ASPM: variants seen among roughly 807,000 people sequenced by gnomAD.
The protein encoded by ASPM is abnormal spindle-like microcephaly-associated protein.
Under a neutral mutation model 366.4 loss-of-function variants are expected in ASPM, and 256 were observed. The ratio of observed to expected loss-of-function variants is 0.70; its 90% CI spans 0.63 to 0.77. ASPM has a LOEUF of 0.77. ASPM is among the 30% of genes least tolerant of loss of function. The pLI is 0.00. For synonymous variants in ASPM, 1,414 were observed against 1,342.9 expected (o/e 1.05, Z -1.16); for missense variants, 4,146 against 4,090.4 (o/e 1.01, Z -0.37).
intron 16 of ASPM, among the ~76,000 whole-genome samples, chr1:197,119,233 T>G (rs965474651): frequency 6.6e-5 from 10 of 152,162 alleles, no homozygotes; most frequent in African/African-American, 2.4e-4. Flanking sequence ...GAATTATGTA[T>G]ATAACAAGTT....
chr1:197,137,637 T>C (rs1658458430), intron 4 of ASPM, among the ~76,000 whole-genome samples: 1 of 152,134 alleles, frequency 6.6e-6, no homozygotes, highest in African/African-American at 2.4e-5. Context: ...CACACCATCA[T>C]GCCCAGCCAA....
chr1:197,124,955 C>T lies in ASPM; in HGVS notation c.3083G>A (p.Gly1028Glu), dbSNP rs1354172288. Residue 1028 changes from glycine to glutamate, a missense_variant and splice_region_variant, in exon 12 of 28, where the codon GGA becomes GAA. By Grantham distance (98) the Gly-to-Glu change is moderately conservative. Transcript: ENST00000367409. ...AATATCCTTAGATAGAATTGTATTT[C>T]CTATAAAAGAAAAGGTTGTCCATTA... The part of the protein sequence containing the change: ...SRGIELSDEH[G>E]NTILSKDIVD... The T allele has an allele frequency of 5.6e-6, 9 of 1,610,086 alleles. No homozygotes were observed. The African/African-American group carries it at 1.1e-4, about 19-fold the overall frequency.
chr1:197,092,857 G>C (rs1454429484), intron 21 of ASPM, among the ~76,000 whole-genome samples, 195 bp downstream of exon 21: 3 of 151,810 alleles, frequency 2.0e-5, no homozygotes, highest in African/African-American at 7.3e-5. Flanking sequence ...GTGAGAAATA[G>C]TAGGACTAGG....
At chr1:197,095,684 C>A (rs990156719) in intron 19 of ASPM, among the ~76,000 whole-genome samples, 1 of 151,578 alleles carries the variant, frequency 6.6e-6, no homozygotes, top group African/African-American at 2.4e-5. Flanking sequence ...ATAAGAAAAC[C>A]AAGTCTTAAC....
intron 12 of ASPM, 89 bp from the exon 13 acceptor site, chr1:197,124,420 T>C: frequency 3.2e-6 from 3 of 948,620 alleles, no homozygotes; most frequent in South Asian, 3.1e-5. Context: ...GTCTTCTATT[T>C]AGAGAAACTG....
chr1:197,124,000 C>T lies in ASPM; in HGVS notation c.3390+110G>A, dbSNP rs904502079. On this transcript the variant is annotated intron_variant, in intron 13 of 27. Coordinates refer to ENST00000367409, the MANE Select transcript of ASPM (RefSeq NM_018136.5). ...ACTCATTTGAGGGAAAGTTTGCTTACACAGATGAACTAAGAAATTCAAGAA... is the reference window on the plus strand; with the variant it reads ...ACTCATTTGAGGGAAAGTTTGCTTATACAGATGAACTAAGAAATTCAAGAA... 5.4e-6 allele frequency: 5 copies of T among 927,186 alleles called. No individual in the cohort carries two copies. In the African/African-American group the frequency reaches 6.7e-5, roughly 13 times the overall value. 57.4% of individuals were successfully genotyped at this position (927,186 alleles called of 1,614,324 possible).
chr1:197,122,478 C>T lies in ASPM; in HGVS notation c.3508G>A (p.Glu1170Lys). ...ACCACTGAACCAGTTTGCGTACATT[C>T]CACAGTTTGAGTAGTACGCTGACAT... ...AICQRTTQTV[E>K]CTQTGSVVLN... The change falls in exon 14 of 28, where the codon GAA becomes AAA. Residue 1170 changes from glutamate (E) to lysine (K), a missense_variant. By Grantham distance (56) the Glu-to-Lys change is moderately conservative. Around this residue, in one of 3 missense-constraint regions of ASPM, gnomAD observed 3,624 missense variants for 3,591.7 expected, o/e 1.01. Coordinates refer to ENST00000367409, the MANE Select transcript of ASPM (RefSeq NM_018136.5). 3 of 1,613,754 alleles carry T rather than the reference C, an allele frequency of 1.9e-6. No individual in the cohort carries two copies. The highest frequency in any genetic ancestry group is 2.5e-6 in the Non-Finnish European group (3 of 1,179,790).
In ASPM at chr1:197,101,846, T is replaced by C. The variant is rs1373927263; in HGVS notation, c.7405A>G (p.Arg2469Gly). The change falls in exon 18 of 28, where the codon AGA (arginine) becomes GGA (glycine). Residue 2469 changes from arginine (R) to glycine (G), a missense_variant. Transcript: ENST00000367409. ...KAAITIQSSY[R>G]RLMVKKKLQE... is the part of the protein sequence containing the mutation. ...AACTTCTTCTTTACCATCAGTCTTC[T>C]GTAAGATGACTGTATTGTAATGGCT... 1.2e-6 allele frequency: 2 copies of C among 1,612,738 alleles called. No homozygotes were observed. Among genetic ancestry groups the C allele is most frequent in the Non-Finnish European group, 8.5e-7 (1 of 1,179,324 alleles).
chr1:197,115,723 T>A (rs1324515630), intron 17 of ASPM, among the ~76,000 whole-genome samples: 1 of 152,202 alleles, frequency 6.6e-6, no homozygotes, highest in Non-Finnish European at 1.5e-5. Context: ...TTAAAAGGAA[T>A]CTTCTTTTCT....
intron 27 of ASPM, among the ~76,000 whole-genome samples, chr1:197,085,958 G>A (rs1459205441): frequency 6.6e-6 from 1 of 152,024 alleles, no homozygotes; most frequent in Non-Finnish European, 1.5e-5. Context: ...TCATATGTTA[G>A]TATGAGCTTT....
At chr1:197,091,449 G>C (rs1656784974) in intron 22 of ASPM, among the ~76,000 whole-genome samples, 1 of 151,638 alleles carries the variant, frequency 6.6e-6, no homozygotes, top group Admixed American at 6.6e-5. Context: ...ACAGCCAATG[G>C]AAAAACGGGC....
rs61995747 is a variant in ASPM at position 197,146,215 on chromosome 1, C to T, written c.223G>A (p.Ala75Thr). The change falls in exon 1 of 28, where the codon GCA becomes ACA. Residue 75 changes from alanine (A) to threonine (T), a missense_variant. By Grantham distance (58) the Ala-to-Thr change is moderately conservative (BLOSUM62 0). This residue lies in a region of ASPM where 512 missense variants were observed against 471.7 expected (regional missense o/e 1.09). Transcript: ENST00000367409. The stretch of plus-strand genomic sequence containing the variant: ...GGGAAGTGGGAGATCTTCACTTCTG[C>T]CACCTCCTCGTTAGGGTTGTCTAGG... ...LALDNPNEEVAEVKISHFPAA... is the reference protein window; with the variant it reads ...LALDNPNEEVTEVKISHFPAA... 1.5e-3 allele frequency: 2,398 copies of T among 1,614,126 alleles called. 29 individuals carry two copies. In the African/African-American group the frequency reaches 0.028, roughly 19 times the overall value.
chr1:197,139,362 G>A (rs977693807), intron 4 of ASPM: 18 of 606,296 alleles, frequency 3.0e-5, no homozygotes, highest in South Asian at 9.1e-5. Flanking sequence ...CCTGGGAGGC[G>A]AGGGGAGGGA....
Position 197,104,025 on chromosome 1 carries a change from G to A in ASPM, c.5226C>T (p.Tyr1742=), listed in dbSNP as rs780801872. Residue 1742 remains tyrosine (Y), a synonymous_variant, in exon 18 of 28, where the codon TAC becomes TAT. Transcript: ENST00000367409. ...CIKLQAFVRG[Y]LVRKQMRLQR... ...GTAACCTCATCTGCTTTCGGACAAG[G>A]TATCCTCTAACAAATGCTTGCAGTT... 13 of 1,612,470 alleles carry A rather than the reference G, an allele frequency of 8.1e-6. No individual in the cohort carries two copies. The highest frequency in any genetic ancestry group is 1.0e-5 in the Non-Finnish European group (12 of 1,179,422).
intron 20 of ASPM, 112 bp downstream of exon 20, chr1:197,093,972 C>T (rs1656879480): frequency 2.8e-6 from 2 of 716,006 alleles, no homozygotes; most frequent in Non-Finnish European, 4.6e-6. Flanking sequence ...GTCTTAAAAA[C>T]ACTTTTTTTC....
chr1:197,139,042 CT>C, intron 4 of ASPM: 1 of 739,226 alleles, frequency 1.4e-6, no homozygotes, highest in East Asian at 2.5e-5. Flanking sequence ...TTCTTGAAAA[CT>C]AACTGGCTGG....
In ASPM at chr1:197,101,697, T is replaced by C. The variant is rs140248383; in HGVS notation, c.7554A>G (p.Arg2518=). The C allele has an allele frequency of 6.6e-4, 1,062 of 1,612,294 alleles. 7 individuals are homozygous for C. The African/African-American group carries it at 0.012, about 18-fold the overall frequency. The change falls in exon 18 of 28, where the codon AGA becomes AGG. Residue 2518 remains arginine, a synonymous_variant. Coordinates refer to ENST00000367409, the MANE Select transcript of ASPM (RefSeq NM_018136.5). ...AATTTTCTCTTTGTAATTTTGCAGC[T>C]CTATATGTTCGATAATGTTGCTGAA... ...ILIQQHYRTY[R]AAKLQRENYI...
chr1:197,135,302 C>G, intron 4 of ASPM, 60 bp from the exon 5 acceptor site: 1 of 1,503,386 alleles, frequency 6.7e-7, no homozygotes, highest in African/African-American at 1.4e-5. Context: ...GTACAATATA[C>G]AGCAAAAGTC....
In ASPM at chr1:197,131,557, CT is replaced by C. The variant is rs201682917; in HGVS notation, c.2487+727del. 6.8e-4 allele frequency among the ~76,000 whole-genome samples: 98 copies of C among 144,426 alleles called. 1 individual carries two copies. The highest frequency in any genetic ancestry group is 1.1e-3 in the African/African-American group (42 of 39,616). 94.7% of individuals were successfully genotyped at this position (144,426 alleles called of 152,430 possible). A position where few individuals can be genotyped will look rare whatever the true frequency, so the allele number is the denominator to read the frequency against. On this transcript the variant is annotated intron_variant, in intron 7 of 27. Transcript: ENST00000367409. The stretch of plus-strand genomic sequence containing the variant: ...CAAATAATTGGCATAGGGCAAGTCA[CT>C]TTTTTTTTTTTTGAGAAGGAGTCTC...
Sources: allele counts gnomAD v4.1 joint callset (sites outside exome capture counted in the v4.1 genomes callset), GRCh38; gene constraint gnomAD v4.1.1; regional missense constraint gnomAD v4.1.1; transcripts MANE v1.5; gene names NCBI Gene and HGNC (gene_info 2026-07-23, HGNC 2026-07-21).